Variants in NFIA observed in about 807,000 individuals in gnomAD.
The protein encoded by NFIA is nuclear factor 1 A-type.
NFIA carries 8 observed loss-of-function variants against 62.8 expected under a neutral mutation model. That is an observed-to-expected ratio of 0.13 (90% CI 0.07 to 0.23). NFIA has a LOEUF of 0.23. NFIA is among the 10% of genes least tolerant of loss of function. The probability of loss-of-function intolerance (pLI) is 1.00; values close to 1 mark genes in which losing one functional copy is unlikely to be tolerated. For synonymous variants in NFIA, 235 were observed against 238.1 expected, an observed-to-expected ratio of 0.99 and a Z score of 0.12; for missense variants, 410 against 642.1, an observed-to-expected ratio of 0.64 and a Z score of 3.91.
At position 61,082,600 on chromosome 1, in the gene NFIA, C is replaced by A; in HGVS notation, c.-192C>A. On this transcript the variant is annotated 5_prime_UTR_variant, in exon 1 of 11. The change creates a new upstream start codon in the 5' untranslated region. Coordinates refer to ENST00000403491, the MANE Select transcript of NFIA (RefSeq NM_001134673.4). ...GCTCATGGAGCGGCAATAGCGCTGG[C>A]TGGCTGGCTGCAGTTGAGCCGACTT... 6.7e-7 allele frequency: 1 copy of A among 1,489,440 alleles called. No individual in the cohort carries two copies. Among genetic ancestry groups the A allele is most frequent in the South Asian group, 1.4e-5 (1 of 73,554 alleles). The allele number at this position is 1,489,440 out of a possible 1,614,324, so 92.3% of individuals were successfully genotyped here. A position where few individuals can be genotyped will look rare whatever the true frequency, so the allele number is the denominator to read the frequency against.
At chr1:61,177,652 A>AG (rs1557616536) in intron 2 of NFIA, among the ~76,000 whole-genome samples, 71 of 122,184 alleles carry the variant, frequency 5.8e-4, no homozygotes, top group African/African-American at 2.1e-3. Flanking sequence ...TGTTTTCTCT[A>AG]TTGTGTGTGT....
At chr1:61,083,055 C>G (rs1347137163) in intron 1 of NFIA, among the ~76,000 whole-genome samples, 1 of 152,106 alleles carries the variant, frequency 6.6e-6, no homozygotes, top group Non-Finnish European at 1.5e-5. Context: ...TCTTGCACGG[C>G]CATTTGTGTG....
chr1:61,082,045 G>A, upstream of NFIA: 1 of 1,547,424 alleles, frequency 6.5e-7, no homozygotes, highest in Non-Finnish European at 8.7e-7. Flanking sequence ...GTCCTCCACC[G>A]AGGTCCGCGG....
intron 4 of NFIA, among the ~76,000 whole-genome samples, chr1:61,346,104 A>G (rs1313509705): frequency 2.6e-5 from 4 of 152,204 alleles, no homozygotes; most frequent in Non-Finnish European, 2.9e-5. Flanking sequence ...ACATCTCTTT[A>G]TAACCTTCAA....
intron 3 of NFIA, among the ~76,000 whole-genome samples, chr1:61,304,399 C>T (rs1364035976): frequency 6.6e-6 from 1 of 152,190 alleles, no homozygotes; most frequent in Non-Finnish European, 1.5e-5. Context: ...GTTATGTCAA[C>T]CTAAAATTCC....
intron 10 of NFIA, among the ~76,000 whole-genome samples, chr1:61,449,919 C>A (rs528285204): frequency 7.9e-5 from 12 of 152,324 alleles, no homozygotes; most frequent in African/African-American, 2.9e-4. Context: ...TGAATACAGA[C>A]TGGTCCTCAC....
At chr1:61,237,373 G>A (rs17121845) in intron 2 of NFIA, among the ~76,000 whole-genome samples, 9,549 of 152,248 alleles carry the variant, frequency 0.063, 335 homozygotes, top group African/African-American at 0.068. Context: ...CTGTTAAACA[G>A]AAGGTAATAT....
intron 3 of NFIA, among the ~76,000 whole-genome samples, chr1:61,329,086 C>T (rs1384950364): frequency 2.1e-5 from 3 of 141,536 alleles, no homozygotes; most frequent in African/African-American, 5.3e-5. Flanking sequence ...CTCACTCGGT[C>T]GCCCAGGCTG....
chr1:61,104,798 CA>C (rs1646568147), intron 2 of NFIA, among the ~76,000 whole-genome samples: 1 of 151,748 alleles, frequency 6.6e-6, no homozygotes. Context: ...TAAAGAGAAA[CA>C]AAAACTTACA....
intron 10 of NFIA, among the ~76,000 whole-genome samples, chr1:61,441,002 C>T (rs1157960528): frequency 6.6e-6 from 1 of 152,026 alleles, no homozygotes; most frequent in Non-Finnish European, 1.5e-5. Flanking sequence ...AAAGTAGCAC[C>T]TCCAAATAAG....
intron 9 of NFIA, 66 bp downstream of exon 9, chr1:61,406,793 G>T: frequency 2.0e-6 from 3 of 1,469,674 alleles, no homozygotes; most frequent in Non-Finnish European, 2.7e-6. Flanking sequence ...CCACACTTAG[G>T]CTTTGTCCCT....
At chr1:61,352,671 A>G (rs1277170378) in intron 5 of NFIA, 104 bp downstream of exon 5, 1 of 914,660 alleles carries the variant, frequency 1.1e-6, no homozygotes, top group African/African-American at 1.7e-5. Flanking sequence ...TTAGTAATAG[A>G]AGATAACAAA....
upstream of NFIA, chr1:61,082,077 G>T: frequency 6.5e-7 from 1 of 1,533,776 alleles, no homozygotes; most frequent in South Asian, 1.2e-5. Flanking sequence ...GGGGGTGGGG[G>T]GATGGGGACG....
In NFIA at chr1:61,085,119, A is replaced by T. The variant is rs573223434; in HGVS notation, c.27+2301A>T. Among the ~76,000 whole-genome samples the T allele has an allele frequency of 2.0e-5, 3 of 152,048 alleles. No individual in the cohort carries two copies. The East Asian group carries it at 5.8e-4, about 29-fold the overall frequency. ...GAACTTCGGTAGTTTATTGCTCATTAAAAAAAATCAGTAAGCACAGTGATT... is the reference window on the plus strand; with the variant it reads ...GAACTTCGGTAGTTTATTGCTCATTTAAAAAAATCAGTAAGCACAGTGATT... On this transcript the variant is annotated intron_variant, in intron 1 of 10. Coordinates refer to ENST00000403491, the MANE Select transcript of NFIA (RefSeq NM_001134673.4).
chr1:61,335,798 T>A (rs1364644782), intron 4 of NFIA, among the ~76,000 whole-genome samples: 1 of 151,112 alleles, frequency 6.6e-6, no homozygotes, highest in East Asian at 1.9e-4. Context: ...GCTGAGATCA[T>A]GCCATTGCAC....
chr1:61,379,599 G>T (rs764260150), intron 6 of NFIA, among the ~76,000 whole-genome samples: 1 of 151,150 alleles, frequency 6.6e-6, no homozygotes, highest in African/African-American at 2.4e-5. Context: ...GTAGAGATGC[G>T]GTTTCACCAT....
At chr1:61,233,072 G>A in intron 2 of NFIA, among the ~76,000 whole-genome samples, 1 of 152,082 alleles carries the variant, frequency 6.6e-6, no homozygotes, top group Non-Finnish European at 1.5e-5. Flanking sequence ...GGACTCTGGA[G>A]CACTGCTTTT....
chr1:61,145,835 C>G (rs572261785), intron 2 of NFIA, among the ~76,000 whole-genome samples: 1 of 152,344 alleles, frequency 6.6e-6, no homozygotes, highest in African/African-American at 2.4e-5. Flanking sequence ...TCTCTCTTCT[C>G]TGACATGTCC....
At chr1:61,094,695 T>C (rs992056384) in intron 2 of NFIA, among the ~76,000 whole-genome samples, 33 of 152,330 alleles carry the variant, frequency 2.2e-4, no homozygotes, top group African/African-American at 7.0e-4. Flanking sequence ...ATCCAAACTT[T>C]TGGGTCCCTG....
Sources: allele counts gnomAD v4.1 joint callset (sites outside exome capture counted in the v4.1 genomes callset), GRCh38; gene constraint gnomAD v4.1.1; transcripts MANE v1.5; gene names NCBI Gene and HGNC (gene_info 2026-07-23, HGNC 2026-07-21).